TMEM217B: variants seen among roughly 807,000 people sequenced by gnomAD.
TMEM217B encodes transmembrane protein 217B.
the TMEM217B span, among the ~76,000 whole-genome samples, chr6:37,222,319 G>GC: frequency 6.6e-6 from 1 of 152,122 alleles, no homozygotes; most frequent in Non-Finnish European, 1.5e-5. Context: ...GCCATCCATG[G>GC]CCCCCCCAGG....
the TMEM217B span, among the ~76,000 whole-genome samples, chr6:37,246,022 G>A: frequency 5.3e-5 from 8 of 152,032 alleles, no homozygotes; most frequent in South Asian, 1.5e-3. Flanking sequence ...GGCTGGTCTC[G>A]AACTCTTGAC....
the TMEM217B span, chr6:37,212,246 A>T: frequency 1.7e-5 from 6 of 343,358 alleles, no homozygotes; most frequent in East Asian, 4.6e-4. Context: ...ACACATCTGT[A>T]AAATAATTGA....
the TMEM217B span, among the ~76,000 whole-genome samples, chr6:37,239,157 A>G: frequency 5.3e-5 from 8 of 152,046 alleles, no homozygotes; most frequent in Non-Finnish European, 1.0e-4. Flanking sequence ...GTATGTCTAA[A>G]TAAGTATTAA....
At chr6:37,215,349 G>C in the TMEM217B span, 1 of 1,544,778 alleles carries the variant, frequency 6.5e-7, no homozygotes, top group Non-Finnish European at 8.7e-7. Flanking sequence ...ACTTGAGGCA[G>C]GCGGATCACG....
chr6:37,224,752 A>AT, the TMEM217B span, among the ~76,000 whole-genome samples: 5 of 152,070 alleles, frequency 3.3e-5, no homozygotes, highest in African/African-American at 1.2e-4. Context: ...CACTGTAAAT[A>AT]TTTTTCTAAA....
the TMEM217B span, chr6:37,218,220 A>G: frequency 7.5e-7 from 1 of 1,342,226 alleles, no homozygotes; most frequent in Non-Finnish European, 9.5e-7. Context: ...CTCAGGCTGA[A>G]GTGCACTGGC....
At chr6:37,242,430 TGCCTTTAAGA>T in the TMEM217B span, among the ~76,000 whole-genome samples, 1 of 152,234 alleles carries the variant, frequency 6.6e-6, no homozygotes, top group Non-Finnish European at 1.5e-5. Flanking sequence ...ATCTTTTCTT[TGCCTTTAAGA>T]GCCTAGATTT....
At chr6:37,223,537 C>G in the TMEM217B span, among the ~76,000 whole-genome samples, 4 of 152,218 alleles carry the variant, frequency 2.6e-5, no homozygotes, top group Admixed American at 2.0e-4. Flanking sequence ...GAGACAGTAT[C>G]TTGCTCTGTC....
At chr6:37,243,592 GGGTTT>G in the TMEM217B span, among the ~76,000 whole-genome samples, 1 of 152,120 alleles carries the variant, frequency 6.6e-6, no homozygotes, top group Non-Finnish European at 1.5e-5. Context: ...TCAGAGGTTA[GGGTTT>G]TGTTTTGTTT....
At chr6:37,252,726 G>A in the TMEM217B span, among the ~76,000 whole-genome samples, 1 of 140,258 alleles carries the variant, frequency 7.1e-6, no homozygotes, top group Non-Finnish European at 1.5e-5. Context: ...TGCAACCCCC[G>A]CCTCCTGGGC....
the TMEM217B span, chr6:37,218,321 G>A: frequency 9.2e-5 from 106 of 1,148,204 alleles, no homozygotes; most frequent in East Asian, 1.5e-3. Flanking sequence ...GGTGTGTGCC[G>A]CCACGCCTGG....
chr6:37,228,877 G>GTCCC, the TMEM217B span, among the ~76,000 whole-genome samples: 8 of 151,448 alleles, frequency 5.3e-5, no homozygotes, highest in Non-Finnish European at 1.0e-4. Flanking sequence ...GGTGCCTGTA[G>GTCCC]TCCCAGCTAC....
the TMEM217B span, among the ~76,000 whole-genome samples, chr6:37,245,171 C>T: frequency 1.6e-4 from 25 of 152,304 alleles, no homozygotes; most frequent in Non-Finnish European, 2.6e-4. Flanking sequence ...GAATTAAGAT[C>T]GTGAATGCAA....
the TMEM217B span, among the ~76,000 whole-genome samples, chr6:37,243,012 C>T: frequency 1.3e-5 from 2 of 152,258 alleles, no homozygotes; most frequent in East Asian, 1.9e-4. Context: ...GCTGGGAAAG[C>T]AAGTTTCTGG....
At chr6:37,218,133 A>C in the TMEM217B span, 2 of 1,084,604 alleles carry the variant, frequency 1.8e-6, no homozygotes, top group Non-Finnish European at 2.2e-6. Context: ...GAAAAGGGCC[A>C]ACATGATTGC....
At chr6:37,252,918 G>A in the TMEM217B span, among the ~76,000 whole-genome samples, 1 of 151,204 alleles carries the variant, frequency 6.6e-6, no homozygotes, top group East Asian at 1.9e-4. Context: ...GGGATTGCAG[G>A]TGTGAGCTAC....
the TMEM217B span, among the ~76,000 whole-genome samples, chr6:37,252,255 A>G: frequency 6.6e-6 from 1 of 152,204 alleles, no homozygotes; most frequent in East Asian, 1.9e-4. Context: ...ATGACATGTA[A>G]CATAAAGTTC....
the TMEM217B span, among the ~76,000 whole-genome samples, chr6:37,256,850 G>A: frequency 6.6e-6 from 1 of 152,146 alleles, no homozygotes; most frequent in African/African-American, 2.4e-5. Context: ...AATCACCACG[G>A]AATACAACCA....
chr6:37,212,580 C>A, the TMEM217B span: 1 of 470,174 alleles, frequency 2.1e-6, no homozygotes, highest in Non-Finnish European at 4.2e-6. Flanking sequence ...AGTGCAGGAG[C>A]ATGTGTGAGA....
Sources: allele counts gnomAD v4.1 joint callset (sites outside exome capture counted in the v4.1 genomes callset), GRCh38; gene constraint gnomAD v4.1.1; transcripts MANE v1.5; gene names NCBI Gene and HGNC (gene_info 2026-07-23, HGNC 2026-07-21).